The following MRC2 variants were observed in gnomAD, a reference collection of about 807,000 sequenced individuals.
MRC2 encodes mannose receptor C-type 2, also known as C-type mannose receptor 2.
In MRC2, 84 loss-of-function variants were observed where a neutral mutation model predicts 206.2. The observed-to-expected ratio is 0.41, with a 90% confidence interval of 0.34 to 0.49. The LOEUF is 0.49. Ranked by LOEUF, MRC2 falls within the 20% of genes least tolerant of loss-of-function variation. MRC2 has a pLI of 0.31. For missense variants in MRC2, 1,676 were observed against 2,001.5 expected (o/e 0.84, Z 3.10); for synonymous variants, 798 against 800.0 (o/e 1.00, Z 0.04).
intron 6 of MRC2, among the ~76,000 whole-genome samples, chr17:62,669,777 A>C (rs1299433774): frequency 6.6e-6 from 1 of 151,774 alleles, no homozygotes; most frequent in Non-Finnish European, 1.5e-5. Flanking sequence ...GCTGGTCTCG[A>C]ACTCCTGTCT....
At chr17:62,647,349 A>G (rs1185155071) in intron 1 of MRC2, among the ~76,000 whole-genome samples, 1 of 151,702 alleles carries the variant, frequency 6.6e-6, no homozygotes, top group Non-Finnish European at 1.5e-5. Flanking sequence ...ATGCCTGGCT[A>G]ATTTTTTGTA....
intron 1 of MRC2, among the ~76,000 whole-genome samples, chr17:62,658,344 C>T (rs1039266780): frequency 1.3e-5 from 2 of 152,180 alleles, no homozygotes; most frequent in Non-Finnish European, 2.9e-5. Flanking sequence ...TGCCATGCAC[C>T]TAGCAGAAAG....
rs2245463 is a variant in MRC2, at chr17:62,680,912, G to C, written c.2586G>C (p.Ser862=). ...ICTWFQAELT[S]VHSQAELDFL... Reference sequence around the variant, plus strand: ...CGTGGTTCCAGGCCGAGCTGACCTCGGTGCACAGCCAGGCGGAGCTAGACT... The same window carrying C: ...CGTGGTTCCAGGCCGAGCTGACCTCCGTGCACAGCCAGGCGGAGCTAGACT... Residue 862 remains serine, a synonymous_variant, in exon 17 of 30, where the codon TCG becomes TCC. Transcript: ENST00000303375. This position sits in a 1 kb window ranked among gnomAD's most constrained non-coding sequence, Gnocchi z 4.8. 1,551,210 of 1,613,212 alleles carry C rather than the reference G, an allele frequency of 0.96. 749,682 individuals carry two copies. Among genetic ancestry groups the C allele is most frequent in the Non-Finnish European group, 0.99 (1,162,279 of 1,179,948 alleles).
chr17:62,636,276 T>C (rs1227444737), intron 1 of MRC2, among the ~76,000 whole-genome samples: 1 of 148,326 alleles, frequency 6.7e-6, no homozygotes, highest in Admixed American at 6.7e-5. Flanking sequence ...TAAAAATGCA[T>C]GCTCAGTGGA....
In MRC2 at chr17:62,675,919, G is replaced by T; in HGVS notation, c.1685+14G>T. The T allele has an allele frequency of 6.2e-7, 1 of 1,609,644 alleles. No individual in the cohort carries two copies. Among genetic ancestry groups the T allele is most frequent in the South Asian group, 1.1e-5 (1 of 90,950 alleles). ...CATCACCAACAGGTACAGCAGGGGC[G>T]GGTGCCCTGACTAGCCCTTGCCCAT... is the stretch of plus-strand genomic sequence containing the variant. On this transcript the variant is annotated intron_variant, in intron 10 of 29. Coordinates refer to ENST00000303375, the MANE Select transcript of MRC2 (RefSeq NM_006039.5). This position sits in a 1 kb window ranked among gnomAD's most constrained non-coding sequence, Gnocchi z 4.1.
chr17:62,647,661 C>G (rs2088506695), intron 1 of MRC2, among the ~76,000 whole-genome samples: 1 of 152,194 alleles, frequency 6.6e-6, no homozygotes, highest in Non-Finnish European at 1.5e-5. Context: ...GTAAATAATG[C>G]TGTGTGGCTA....
At chr17:62,651,430 G>A (rs976556233) in intron 1 of MRC2, among the ~76,000 whole-genome samples, 1 of 152,120 alleles carries the variant, frequency 6.6e-6, no homozygotes, top group African/African-American at 2.4e-5. Context: ...AAGGTCCAGG[G>A]CATGGAGAAG....
chr17:62,641,091 T>G (rs1478347729), intron 1 of MRC2, among the ~76,000 whole-genome samples: 1 of 151,570 alleles, frequency 6.6e-6, no homozygotes, highest in Non-Finnish European at 1.5e-5. Context: ...GTGATCTACC[T>G]CAGCCTCTCA....
intron 1 of MRC2, among the ~76,000 whole-genome samples, chr17:62,650,161 C>T (rs1019915930): frequency 2.6e-5 from 4 of 151,962 alleles, no homozygotes; most frequent in Admixed American, 2.6e-4. Context: ...TCCCAAAATG[C>T]TGGGATCACA....
At chr17:62,655,721 T>TAAA (rs71155946) in intron 1 of MRC2, among the ~76,000 whole-genome samples, 1,490 of 126,124 alleles carry the variant, frequency 0.012, 19 homozygotes, top group African/African-American at 0.042. Flanking sequence ...TCTGTCTCTT[T>TAAA]AAAAAAAAAA....
At chr17:62,657,741 C>T (rs542122839) in intron 1 of MRC2, among the ~76,000 whole-genome samples, 17 of 152,268 alleles carry the variant, frequency 1.1e-4, no homozygotes, top group Middle Eastern at 3.4e-3. Flanking sequence ...TGATGAAGCA[C>T]GGGTACAAAG....
At chr17:62,657,935 C>A (rs2088637233) in intron 1 of MRC2, among the ~76,000 whole-genome samples, 1 of 151,998 alleles carries the variant, frequency 6.6e-6, no homozygotes, top group South Asian at 2.1e-4. Context: ...TTGGCAGAGT[C>A]CCCCCGGATC....
intron 1 of MRC2, among the ~76,000 whole-genome samples, chr17:62,658,237 C>T (rs2088640382): frequency 6.6e-6 from 1 of 152,146 alleles, no homozygotes; most frequent in Admixed American, 6.6e-5. Context: ...TTTGTTTGCT[C>T]TTATGCCCGG....
At position 62,664,208 on chromosome 17, in the gene MRC2, C is replaced by T. The variant is rs112122765; in HGVS notation, c.119-340C>T. On this transcript the variant is annotated intron_variant, in intron 1 of 29. Transcript: ENST00000303375. The surrounding 1 kb of genome is among the most constrained non-coding windows in gnomAD (Gnocchi z 4.7). The stretch of plus-strand genomic sequence containing the variant: ...TCTCCTGACCTCGTGATCCGCCCGC[C>T]TCGGCCTCCCAAAGTGCTGGGATTA... Among the ~76,000 whole-genome samples the T allele has an allele frequency of 6.6e-5, 10 of 152,220 alleles. No individual in the cohort carries two copies. Among genetic ancestry groups the T allele is most frequent in the Non-Finnish European group, 1.2e-4 (8 of 67,996 alleles).
rs1253237778 is a variant in MRC2, at chr17:62,672,427, C to T, written c.1461+275C>T. Among the ~76,000 whole-genome samples the T allele has an allele frequency of 1.3e-5, 2 of 152,118 alleles. No individual in the cohort carries two copies. Among genetic ancestry groups the T allele is most frequent in the East Asian group, 3.9e-4 (2 of 5,182 alleles). On this transcript the variant is annotated intron_variant, in intron 8 of 29. Coordinates refer to ENST00000303375, the MANE Select transcript of MRC2 (RefSeq NM_006039.5). The surrounding 1 kb of genome is among the most constrained non-coding windows in gnomAD (Gnocchi z 4.5). ...ATCAGAGGAGTTAATTCTCGTGAAA[C>T]CTTAGGCACAGTGCCTGGCGCATTC...
rs202202616 is a variant in MRC2 at position 62,671,802 on chromosome 17, C to T, written c.1271C>T (p.Ala424Val). 1.2e-5 allele frequency: 19 copies of T among 1,606,794 alleles called. No individual in the cohort carries two copies. The highest frequency in any genetic ancestry group is 2.7e-5 in the African/African-American group (2 of 74,770). ...GACCTGGTCAGCATCCACAGCATGG[C>T]GGAGCTGGAATTCATCACCAAGCAG... ...GGDLVSIHSM[A>V]ELEFITKQIK... The change falls in exon 7 of 30, where the codon GCG becomes GTG. Residue 424 changes from alanine (A) to valine (V), a missense_variant. Around this residue, in one of 3 missense-constraint regions of MRC2, gnomAD observed 1,354 missense variants for 1,636.6 expected, o/e 0.83. Transcript: ENST00000303375. This position sits in a 1 kb window ranked among gnomAD's most constrained non-coding sequence, Gnocchi z 4.5.
At position 62,654,865 on chromosome 17, in the gene MRC2, C is replaced by T. The variant is rs536938343; in HGVS notation, c.119-9683C>T. Among the ~76,000 whole-genome samples, 33 of 152,344 alleles carry T rather than the reference C, an allele frequency of 2.2e-4. 1 individual carries two copies. The South Asian group carries it at 6.4e-3, about 30-fold the overall frequency. Reference sequence around the variant, plus strand: ...TCAGAAATATTCCTATCAAACTAGACACGGTGGCTCACACCTAGAAATCCT... The same window carrying T: ...TCAGAAATATTCCTATCAAACTAGATACGGTGGCTCACACCTAGAAATCCT... On this transcript the variant is annotated intron_variant, in intron 1 of 29. Coordinates refer to ENST00000303375, the MANE Select transcript of MRC2 (RefSeq NM_006039.5).
In MRC2 at chr17:62,690,002, G is replaced by T; in HGVS notation, c.3682G>T (p.Ala1228Ser). ...GGCTYVDVDGAWRTTSCDTKL... is the reference protein window; with the variant it reads ...GGCTYVDVDGSWRTTSCDTKL... ...CTGTACCTACGTAGATGTGGACGGG[G>T]CCTGGCGCACCACCAGCTGTGACAC... The change falls in exon 25 of 30, where the codon GCC (alanine) becomes TCC (serine). Residue 1228 changes from alanine (A) to serine (S), a missense_variant. Transcript: ENST00000303375. 6.2e-7 allele frequency: 1 copy of T among 1,612,070 alleles called. No individual in the cohort carries two copies. Among genetic ancestry groups the T allele is most frequent in the Non-Finnish European group, 8.5e-7 (1 of 1,179,510 alleles).
chr17:62,682,454 C>T, intron 20 of MRC2, 77 bp downstream of exon 20: 3 of 1,485,048 alleles, frequency 2.0e-6, no homozygotes, highest in Non-Finnish European at 1.8e-6. Flanking sequence ...CTCAGGAGTC[C>T]TGGCCTTTTG....
Sources: allele counts gnomAD v4.1 joint callset (sites outside exome capture counted in the v4.1 genomes callset), GRCh38; gene constraint gnomAD v4.1.1; regional missense constraint gnomAD v4.1.1; non-coding constraint Gnocchi (gnomAD v3.1); transcripts MANE v1.5; gene names NCBI Gene and HGNC (gene_info 2026-07-23, HGNC 2026-07-21).